Variants in TMEM132D observed in about 807,000 individuals in gnomAD.
TMEM132D encodes the protein mature OL transmembrane protein.
In TMEM132D, 21 loss-of-function variants were observed where a neutral mutation model predicts 62.3. That is an observed-to-expected ratio of 0.34 (90% CI 0.24 to 0.49). The LOEUF is 0.49. Ranked by LOEUF, TMEM132D falls within the 20% of genes least tolerant of loss-of-function variation. TMEM132D has a pLI of 0.99. For synonymous variants in TMEM132D, 621 were observed against 575.6 expected, an observed-to-expected ratio of 1.08 and a Z score of -1.13; for missense variants, 1,346 against 1,402.8, an observed-to-expected ratio of 0.96 and a Z score of 0.65.
At position 129,374,487 on chromosome 12, in the gene TMEM132D, G is replaced by C. The variant is rs546038725; in HGVS notation, c.1116-36670C>G. Among the ~76,000 whole-genome samples the C allele has an allele frequency of 4.0e-4, 61 of 152,272 alleles. 2 individuals are homozygous for C. In the South Asian group the frequency reaches 0.012, roughly 30 times the overall value. On this transcript the variant is annotated intron_variant, in intron 3 of 8. Coordinates refer to ENST00000422113, the MANE Select transcript of TMEM132D (RefSeq NM_133448.3). ...CAGATGCCTTGGGCTGGGAGTGGAAGGGGATTCATAGGTGAATTTAGAGGG... is the reference window on the plus strand; with the variant it reads ...CAGATGCCTTGGGCTGGGAGTGGAACGGGATTCATAGGTGAATTTAGAGGG...
intron 1 of TMEM132D, among the ~76,000 whole-genome samples, chr12:129,885,562 G>A (rs1240360055): frequency 6.6e-6 from 1 of 152,196 alleles, no homozygotes; most frequent in Non-Finnish European, 1.5e-5. Flanking sequence ...ATTCTAATGT[G>A]TACCCAAGGC....
chr12:129,681,003 A>G (rs1351190295), intron 2 of TMEM132D, among the ~76,000 whole-genome samples: 1 of 152,206 alleles, frequency 6.6e-6, no homozygotes, highest in Non-Finnish European at 1.5e-5. Context: ...CAAGTTTCCT[A>G]TCAGTGGCTT....
intron 2 of TMEM132D, among the ~76,000 whole-genome samples, chr12:129,595,053 C>T (rs1342785226): frequency 6.6e-6 from 1 of 152,138 alleles, no homozygotes; most frequent in African/African-American, 2.4e-5. Flanking sequence ...GTTACTTGCT[C>T]CAAGACACAG....
Position 129,843,090 on chromosome 12 carries a change from A to G in TMEM132D, c.79+60171T>C, listed in dbSNP as rs143675919. 1.2e-4 allele frequency among the ~76,000 whole-genome samples: 19 copies of G among 152,344 alleles called. No individual in the cohort carries two copies. The East Asian group carries it at 3.5e-3, about 28-fold the overall frequency. ...TTGGAAGTCTCTAACAATGTTACGA[A>G]TATAGTATATTCTGTAAATAGTACT... is the stretch of plus-strand genomic sequence containing the variant. On this transcript the variant is annotated intron_variant, in intron 1 of 8. Transcript: ENST00000422113.
chr12:129,329,953 C>T (rs977823710), intron 4 of TMEM132D, among the ~76,000 whole-genome samples: 1 of 152,098 alleles, frequency 6.6e-6, no homozygotes. Flanking sequence ...AAATGTATTT[C>T]ATCAGAAGAT....
Position 129,474,696 on chromosome 12 carries a change from G to C in TMEM132D, c.1115+56363C>G, listed in dbSNP as rs1240245007. On this transcript the variant is annotated intron_variant, in intron 3 of 8. Transcript: ENST00000422113. ...ATCATTAACTTATAGGCTACAGCGTGGGTGAACTGGGGGAGTGCAAAGGTG... is the reference window on the plus strand; with the variant it reads ...ATCATTAACTTATAGGCTACAGCGTCGGTGAACTGGGGGAGTGCAAAGGTG... Among the ~76,000 whole-genome samples the C allele has an allele frequency of 8.4e-4, 128 of 152,320 alleles. 1 individual carries two copies. The highest frequency in any genetic ancestry group is 4.4e-5 in the Non-Finnish European group (3 of 68,038).
At chr12:129,603,572 T>A (rs1233057076) in intron 2 of TMEM132D, among the ~76,000 whole-genome samples, 1 of 152,168 alleles carries the variant, frequency 6.6e-6, no homozygotes, top group Non-Finnish European at 1.5e-5. Flanking sequence ...GAAAAAAAGT[T>A]CATCATCACT....
At chr12:129,769,163 C>CT (rs1194677017) in intron 1 of TMEM132D, among the ~76,000 whole-genome samples, 1 of 152,156 alleles carries the variant, frequency 6.6e-6, no homozygotes, top group Admixed American at 6.5e-5. Flanking sequence ...TTGGTGCCCC[C>CT]TCCCCTAGGT....
intron 1 of TMEM132D, among the ~76,000 whole-genome samples, chr12:129,785,597 A>G (rs1314286895): frequency 1.3e-5 from 2 of 152,212 alleles, no homozygotes; most frequent in Non-Finnish European, 2.9e-5. Context: ...TTAGATTTAC[A>G]GCTTTCTTCA....
Position 129,513,781 on chromosome 12 carries a change from G to T in TMEM132D, c.1115+17278C>A, listed in dbSNP as rs181417253. On this transcript the variant is annotated intron_variant, in intron 3 of 8. Coordinates refer to ENST00000422113, the MANE Select transcript of TMEM132D (RefSeq NM_133448.3). ...ATTACAGGCGTGAGCCACCGCGCCC[G>T]GCCAATGGGGACCAATTTTTATTTT... is the stretch of plus-strand genomic sequence containing the variant. Among the ~76,000 whole-genome samples, 16 of 149,480 alleles carry T rather than the reference G, an allele frequency of 1.1e-4. No homozygotes were observed. In the East Asian group the frequency reaches 3.2e-3, roughly 30 times the overall value.
intron 5 of TMEM132D, among the ~76,000 whole-genome samples, chr12:129,119,246 T>G (rs780824713): frequency 6.6e-6 from 1 of 152,228 alleles, no homozygotes; most frequent in African/African-American, 2.4e-5. Context: ...CACGTAGATA[T>G]ACTGTGTAGT....
intron 4 of TMEM132D, among the ~76,000 whole-genome samples, chr12:129,309,947 G>C (rs548826264): frequency 6.6e-6 from 1 of 152,076 alleles, no homozygotes; most frequent in South Asian, 2.1e-4. Flanking sequence ...GGAAGGGCCC[G>C]GTGTGGAAAA....
chr12:129,837,751 C>A (rs950992492), intron 1 of TMEM132D, among the ~76,000 whole-genome samples: 1 of 152,202 alleles, frequency 6.6e-6, no homozygotes, highest in Non-Finnish European at 1.5e-5. Flanking sequence ...ATGTCTCTCT[C>A]AGAATGAATG....
At chr12:129,366,553 A>T (rs1870419103) in intron 3 of TMEM132D, among the ~76,000 whole-genome samples, 1 of 152,200 alleles carries the variant, frequency 6.6e-6, no homozygotes, top group Non-Finnish European at 1.5e-5. Flanking sequence ...GAGCAAATTA[A>T]ACCTCTTTTC....
At chr12:129,192,073 G>C (rs1453138184) in intron 5 of TMEM132D, among the ~76,000 whole-genome samples, 1 of 152,156 alleles carries the variant, frequency 6.6e-6, no homozygotes, top group Non-Finnish European at 1.5e-5. Context: ...CACATCTAGT[G>C]GAGGCACAGT....
chr12:129,083,165 A>G (rs1874507924), intron 6 of TMEM132D, among the ~76,000 whole-genome samples: 1 of 152,236 alleles, frequency 6.6e-6, no homozygotes, highest in Admixed American at 6.5e-5. Context: ...GTAACCCAGC[A>G]CACAAAGCAG....
At chr12:129,715,690 T>C (rs264479) in intron 1 of TMEM132D, among the ~76,000 whole-genome samples, 41,829 of 152,190 alleles carry the variant, frequency 0.27, 6,184 homozygotes, top group Middle Eastern at 0.37. Context: ...ATAACATCTG[T>C]CTGATGTCCT....
At chr12:129,156,081 A>T (rs1877235894) in intron 5 of TMEM132D, among the ~76,000 whole-genome samples, 1 of 151,882 alleles carries the variant, frequency 6.6e-6, no homozygotes, top group African/African-American at 2.4e-5. Flanking sequence ...CACTTCCATG[A>T]TACCCAACCC....
intron 5 of TMEM132D, among the ~76,000 whole-genome samples, chr12:129,175,492 T>C (rs754151001): frequency 6.6e-6 from 1 of 152,314 alleles, no homozygotes; most frequent in Middle Eastern, 3.4e-3. Context: ...TTCCAAATCA[T>C]GTAAAGTTCT....
Sources: allele counts gnomAD v4.1 joint callset (sites outside exome capture counted in the v4.1 genomes callset), GRCh38; gene constraint gnomAD v4.1.1; transcripts MANE v1.5; gene names NCBI Gene and HGNC (gene_info 2026-07-23, HGNC 2026-07-21).